Variants in OPCML observed in about 807,000 individuals in gnomAD.
OPCML encodes opioid-binding protein/cell adhesion molecule.
OPCML carries 13 observed loss-of-function variants against 37.8 expected under a neutral mutation model. The ratio of observed to expected loss-of-function variants is 0.34; its 90% confidence interval spans 0.22 to 0.55. The LOEUF is 0.55. Ranked by LOEUF, OPCML falls within the 20% of genes least tolerant of loss-of-function variation. OPCML has a pLI of 0.91. For missense variants in OPCML, 341 were observed against 435.6 expected, an observed-to-expected ratio of 0.78 and a Z score of 1.93; for synonymous variants, 176 against 168.8, an observed-to-expected ratio of 1.04 and a Z score of -0.33.
intron 4 of OPCML, among the ~76,000 whole-genome samples, chr11:132,466,485 G>GA (rs61036161): frequency 0.12 from 16,506 of 134,940 alleles, 1,719 homozygotes; most frequent in East Asian, 0.49. Context: ...CTCCGTCTCG[G>GA]AAAAAAAAAA....
chr11:132,869,549 A>C (rs930073211), intron 2 of OPCML, among the ~76,000 whole-genome samples: 1 of 152,146 alleles, frequency 6.6e-6, no homozygotes, highest in African/African-American at 2.4e-5. Flanking sequence ...GAAATAATGA[A>C]CCTTTTTTCC....
At chr11:132,503,916 G>A (rs530551442) in intron 4 of OPCML, among the ~76,000 whole-genome samples, 30 of 152,054 alleles carry the variant, frequency 2.0e-4, no homozygotes, top group Middle Eastern at 3.4e-3. Context: ...ATACAGATGT[G>A]GTAGCTATCT....
At chr11:132,786,791 T>G (rs1947227692) in intron 2 of OPCML, among the ~76,000 whole-genome samples, 1 of 152,212 alleles carries the variant, frequency 6.6e-6, no homozygotes, top group African/African-American at 2.4e-5. Flanking sequence ...TTATAAGTAT[T>G]GCTTATCTTT....
chr11:133,383,707 T>C (rs538054246), intron 1 of OPCML, among the ~76,000 whole-genome samples: 1 of 152,232 alleles, frequency 6.6e-6, no homozygotes, highest in South Asian at 2.1e-4. Flanking sequence ...ATAAACATCA[T>C]TTGAGGTTTT....
At position 133,083,446 on chromosome 11, in the gene OPCML, C is replaced by G. The variant is rs528322244; in HGVS notation, c.62-140436G>C. ...TGGCCTGAGGGAGCCAACCCCACCCCACCCCAGCCTGGGAAGGGCCAGAGA... is the reference window on the plus strand; with the variant it reads ...TGGCCTGAGGGAGCCAACCCCACCCGACCCCAGCCTGGGAAGGGCCAGAGA... On this transcript the variant is annotated intron_variant, in intron 1 of 7. Transcript: ENST00000524381. 7.9e-5 allele frequency among the ~76,000 whole-genome samples: 12 copies of G among 152,314 alleles called. No individual in the cohort carries two copies. The South Asian group carries it at 1.0e-3, about 13-fold the overall frequency.
At chr11:132,603,319 G>A (rs144093129) in intron 3 of OPCML, among the ~76,000 whole-genome samples, 1 of 152,166 alleles carries the variant, frequency 6.6e-6, no homozygotes, top group South Asian at 2.1e-4. Flanking sequence ...TCCTGTGCTT[G>A]TATCTTGTGC....
intron 2 of OPCML, among the ~76,000 whole-genome samples, chr11:132,880,753 T>C (rs1943195775): frequency 1.3e-5 from 2 of 152,266 alleles, no homozygotes; most frequent in East Asian, 1.9e-4. Context: ...AATGGCCATA[T>C]TATTCTACTC....
intron 3 of OPCML, among the ~76,000 whole-genome samples, chr11:132,537,025 A>G (rs1483277173): frequency 7.9e-5 from 12 of 152,184 alleles, no homozygotes; most frequent in Non-Finnish European, 1.5e-5. Context: ...TCTGGTCTAA[A>G]ACCCTGGGAG....
intron 1 of OPCML, chr11:133,360,903 C>T (rs1295465833): frequency 1.3e-5 from 2 of 152,286 alleles, no homozygotes; most frequent in Non-Finnish European, 2.9e-5. Flanking sequence ...GGTAGATACT[C>T]TAAGGGCTGT....
At position 132,677,832 on chromosome 11, in the gene OPCML, C is replaced by T. The variant is rs551280957; in HGVS notation, c.147-20513G>A. 3.9e-5 allele frequency among the ~76,000 whole-genome samples: 6 copies of T among 152,220 alleles called. No individual in the cohort carries two copies. In the East Asian group the frequency reaches 9.6e-4, roughly 24 times the overall value. On this transcript the variant is annotated intron_variant, in intron 2 of 7. Transcript: ENST00000524381. ...AAAAACAGGAGAAAATCTAGACAAA[C>T]TTAGGTTTGGCAATGACTTTTTAAA...
chr11:132,442,640 C>A (rs2096039954), intron 4 of OPCML, among the ~76,000 whole-genome samples: 1 of 152,124 alleles, frequency 6.6e-6, no homozygotes, highest in East Asian at 1.9e-4. Flanking sequence ...TGTAATTATC[C>A]CCACGTGTCA....
At chr11:133,336,222 C>A (rs1014890457) in intron 1 of OPCML, among the ~76,000 whole-genome samples, 2 of 152,164 alleles carry the variant, frequency 1.3e-5, no homozygotes, top group Admixed American at 1.3e-4. Context: ...CCTTCTGTCT[C>A]AGAGCAGCGT....
intron 3 of OPCML, among the ~76,000 whole-genome samples, chr11:132,647,374 AATAAT>A (rs1353078187): frequency 6.6e-6 from 1 of 152,206 alleles, no homozygotes; most frequent in Non-Finnish European, 1.5e-5. Context: ...TTAACTCTTG[AATAAT>A]ATAAGGGCTG....
chr11:132,487,206 G>A (rs534746477), intron 4 of OPCML, among the ~76,000 whole-genome samples: 8 of 152,224 alleles, frequency 5.3e-5, no homozygotes, highest in South Asian at 4.1e-4. Context: ...ACTGAGAGAC[G>A]GTTACTCAGC....
At chr11:132,798,465 C>A (rs767361135) in intron 2 of OPCML, among the ~76,000 whole-genome samples, 1 of 152,200 alleles carries the variant, frequency 6.6e-6, no homozygotes, top group Non-Finnish European at 1.5e-5. Context: ...TCTCAAGAAA[C>A]CACTTTAGTT....
intron 2 of OPCML, among the ~76,000 whole-genome samples, chr11:132,894,029 T>C (rs973653316): frequency 9.2e-5 from 14 of 152,202 alleles, no homozygotes; most frequent in African/African-American, 3.4e-4. Flanking sequence ...GTTCCTTCCA[T>C]CATGCTTCTA....
At chr11:132,656,513 T>C (rs1342842516) in intron 3 of OPCML, among the ~76,000 whole-genome samples, 1 of 152,180 alleles carries the variant, frequency 6.6e-6, no homozygotes, top group Non-Finnish European at 1.5e-5. Context: ...ATTACTAACA[T>C]TAACCTGCAG....
intron 2 of OPCML, among the ~76,000 whole-genome samples, chr11:132,908,206 A>G (rs1336050025): frequency 6.6e-6 from 1 of 152,238 alleles, no homozygotes; most frequent in Non-Finnish European, 1.5e-5. Context: ...GAAGACTGAC[A>G]GGAGCATGAC....
intron 2 of OPCML, among the ~76,000 whole-genome samples, chr11:132,742,293 C>T (rs1438561446): frequency 1.3e-5 from 2 of 152,150 alleles, no homozygotes; most frequent in South Asian, 2.1e-4. Context: ...AATGAGATGG[C>T]TTTAGGAAGT....
Sources: allele counts gnomAD v4.1 joint callset (sites outside exome capture counted in the v4.1 genomes callset), GRCh38; gene constraint gnomAD v4.1.1; transcripts MANE v1.5; gene names NCBI Gene and HGNC (gene_info 2026-07-23, HGNC 2026-07-21).